SLC37A3: variants seen among roughly 807,000 people sequenced by gnomAD.
SLC37A3 encodes sugar phosphate exchanger 3.
A neutral mutation model predicts 67.1 loss-of-function variants in SLC37A3; 51 were observed. The ratio of observed to expected loss-of-function variants is 0.76; its 90% CI spans 0.61 to 0.96. SLC37A3 has a LOEUF of 0.96. SLC37A3 is among the 40% of genes least tolerant of loss of function. SLC37A3 has a pLI of 0.00. For missense variants in SLC37A3, 508 were observed against 603.0 expected, an observed-to-expected ratio of 0.84 and a Z score of 1.65; for synonymous variants, 214 against 231.4, an observed-to-expected ratio of 0.92 and a Z score of 0.68.
intron 9 of SLC37A3, among the ~76,000 whole-genome samples, chr7:140,350,444 C>T (rs1367219730): frequency 6.6e-6 from 1 of 152,160 alleles, no homozygotes; most frequent in Non-Finnish European, 1.5e-5. Context: ...CCAAGAAAGA[C>T]TGTGGAGTGC....
chr7:140,347,842 C>T (rs1010985795), intron 10 of SLC37A3, among the ~76,000 whole-genome samples: 2 of 151,426 alleles, frequency 1.3e-5, no homozygotes, highest in Non-Finnish European at 2.9e-5. Context: ...CCTGCTGTTA[C>T]GTCTACCTCT....
chr7:140,342,910 AT>A (rs1188756676), intron 13 of SLC37A3, among the ~76,000 whole-genome samples: 1 of 152,176 alleles, frequency 6.6e-6, no homozygotes, highest in Non-Finnish European at 1.5e-5. Flanking sequence ...ACAGTCAGAG[AT>A]TTTTGGATAC....
intron 14 of SLC37A3, among the ~76,000 whole-genome samples, chr7:140,336,156 G>A (rs1176955093): frequency 4.6e-5 from 7 of 152,228 alleles, no homozygotes; most frequent in Non-Finnish European, 1.0e-4. Context: ...GCCTGAGTAT[G>A]TCACAGCTCA....
chr7:140,337,098 C>CAAAAAAAA (rs1172096190), intron 14 of SLC37A3, among the ~76,000 whole-genome samples, 186 bp downstream of exon 14: 4 of 69,600 alleles, frequency 5.7e-5, no homozygotes, highest in Non-Finnish European at 8.2e-5. Context: ...GACTCTGCCT[C>CAAAAAAAA]AAAAAAAAAA....
chr7:140,338,126 G>C (rs1796216326), intron 13 of SLC37A3, among the ~76,000 whole-genome samples: 1 of 152,078 alleles, frequency 6.6e-6, no homozygotes. Context: ...TCCTGACCTT[G>C]TGATCCGTCC....
chr7:140,341,781 A>G (rs1563006750), intron 13 of SLC37A3, among the ~76,000 whole-genome samples: 3 of 152,220 alleles, frequency 2.0e-5, no homozygotes, highest in African/African-American at 2.4e-5. Context: ...GCACCCATTT[A>G]GTTAGTGAAG....
Position 140,364,605 on chromosome 7 carries a change from T to C in SLC37A3, c.292-114A>G, listed in dbSNP as rs549615217. On this transcript the variant is annotated intron_variant, in intron 4 of 14. Transcript: ENST00000326232. ...AGATATTATTTAAAATTAACTCTTA[T>C]ACACATGCCGAGGCTACCTGTCTAC... 1.8e-5 allele frequency: 18 copies of C among 974,524 alleles called. No individual in the cohort carries two copies. The South Asian group carries it at 2.0e-4, about 11-fold the overall frequency. The allele number at this position is 974,524 out of a possible 1,614,324, so 60.4% of individuals were successfully genotyped here. A position where few individuals can be genotyped will look rare whatever the true frequency, so the allele number is the denominator to read the frequency against.
chr7:140,361,558 T>TCCCTCTCC, intron 5 of SLC37A3, among the ~76,000 whole-genome samples: 1 of 110,014 alleles, frequency 9.1e-6, no homozygotes, highest in African/African-American at 3.6e-5. Flanking sequence ...CGTCTCCCTC[T>TCCCTCTCC]CTCTCCACGG....
intron 1 of SLC37A3, among the ~76,000 whole-genome samples, chr7:140,394,170 C>A (rs1278975386): frequency 1.4e-5 from 2 of 145,278 alleles, no homozygotes; most frequent in East Asian, 2.0e-4. Flanking sequence ...GACCCCATAT[C>A]AAAAAAAAAA....
chr7:140,384,539 C>A (rs1798374016), intron 1 of SLC37A3, among the ~76,000 whole-genome samples: 1 of 151,030 alleles, frequency 6.6e-6, no homozygotes, highest in African/African-American at 2.4e-5. Flanking sequence ...TAGTGAGACC[C>A]CATCTCTACA....
At chr7:140,375,791 C>T (rs1172048991) in intron 3 of SLC37A3, among the ~76,000 whole-genome samples, 1 of 152,218 alleles carries the variant, frequency 6.6e-6, no homozygotes, top group East Asian at 1.9e-4. Context: ...ACTTTAATGC[C>T]ACTTCACACA....
At position 140,339,743 on chromosome 7, in the gene SLC37A3, G is replaced by GT. The variant is rs558878202; in HGVS notation, c.1327-2395dup. ...CCAGCACCAGTCACCTTTCCTGTTT[G>GT]TTTTTTTTTTTGAGATGGAGTCTCA... On this transcript the variant is annotated intron_variant, in intron 13 of 14. Transcript: ENST00000326232. Among the ~76,000 whole-genome samples the GT allele has an allele frequency of 3.0e-3, 423 of 139,794 alleles. 1 individual carries two copies. The highest frequency in any genetic ancestry group is 6.6e-3 in the African/African-American group (253 of 38,318). 91.7% of individuals were successfully genotyped at this position (139,794 alleles called of 152,430 possible). A position where few individuals can be genotyped will look rare whatever the true frequency, so the allele number is the denominator to read the frequency against.
chr7:140,358,133 G>C (rs868738871), intron 6 of SLC37A3, among the ~76,000 whole-genome samples: 21 of 152,160 alleles, frequency 1.4e-4, no homozygotes, highest in Middle Eastern at 3.4e-3. Context: ...TACCCCATTT[G>C]ATCAAGCCCC....
intron 10 of SLC37A3, among the ~76,000 whole-genome samples, chr7:140,347,531 G>A (rs12703768): frequency 0.098 from 14,938 of 152,034 alleles, 1,228 homozygotes; most frequent in East Asian, 0.28. Flanking sequence ...TTAAGAATAC[G>A]GGCAGCCAAG....
intron 1 of SLC37A3, among the ~76,000 whole-genome samples, chr7:140,386,223 C>A (rs1798444117): frequency 6.6e-6 from 1 of 151,928 alleles, no homozygotes; most frequent in Non-Finnish European, 1.5e-5. Context: ...GCACATGCCA[C>A]CACATCCAGC....
In SLC37A3 at chr7:140,334,313, T is replaced by G. The variant is rs965668775; in HGVS notation, c.*1099A>C. On this transcript the variant is annotated 3_prime_UTR_variant, in exon 15 of 15. Coordinates refer to ENST00000326232, the MANE Select transcript of SLC37A3 (RefSeq NM_207113.3). ...CTAAGTGTTCTGAGTACATTTAGGG[T>G]GGACGAGGCTAAGCTGTGGTGTCCA... 6.6e-6 allele frequency: 1 copy of G among 152,244 alleles called. No homozygotes were observed. The highest frequency in any genetic ancestry group is 1.5e-5 in the Non-Finnish European group (1 of 68,046). 9.4% of individuals were successfully genotyped at this position (152,244 alleles called of 1,614,324 possible). A position where few individuals can be genotyped will look rare whatever the true frequency, so the allele number is the denominator to read the frequency against.
chr7:140,371,049 C>A (rs1439979398), intron 3 of SLC37A3, among the ~76,000 whole-genome samples: 1 of 152,196 alleles, frequency 6.6e-6, no homozygotes. Flanking sequence ...CACCTAGCAA[C>A]CCCAGGAGCT....
At chr7:140,362,503 G>C (rs1338524351) in intron 5 of SLC37A3, among the ~76,000 whole-genome samples, 1 of 146,010 alleles carries the variant, frequency 6.8e-6, no homozygotes, top group Non-Finnish European at 1.5e-5. Context: ...CTACCGGGAA[G>C]TGAGGACCCC....
chr7:140,362,835 C>T (rs1797406485), intron 5 of SLC37A3, among the ~76,000 whole-genome samples: 1 of 81,838 alleles, frequency 1.2e-5, no homozygotes, highest in Non-Finnish European at 2.7e-5. Context: ...GCGCCTCTGC[C>T]CGGCCGCCCC....
Sources: gnomAD v4.1 joint callset for allele counts (sites outside exome capture counted in the v4.1 genomes callset) on GRCh38, gnomAD v4.1.1 for gene constraint, MANE v1.5 for transcripts, NCBI Gene and HGNC (gene_info 2026-07-23, HGNC 2026-07-21) for gene names.